ESRRB: variants seen among roughly 807,000 people sequenced by gnomAD.
The protein encoded by ESRRB is estrogen related receptor beta, also known as steroid hormone receptor ERR2.
In ESRRB, 16 loss-of-function variants were observed where a neutral mutation model predicts 46.0. That is an observed-to-expected ratio of 0.35 (90% CI 0.24 to 0.53). The LOEUF is 0.53. Among genes scored for constraint, ESRRB ranks in the 20% least tolerant of loss-of-function variants. ESRRB has a pLI of 0.93. For synonymous variants in ESRRB, 246 were observed against 259.6 expected (o/e 0.95, Z 0.50); for missense variants, 488 against 607.4 (o/e 0.80, Z 2.07).
Position 76,333,449 on chromosome 14 carries a change from G to GATATATTTA in ESRRB, c.2+22533_2+22534insATATATTTA, listed in dbSNP as rs1566854142. On this transcript the variant is annotated intron_variant, in intron 1 of 6. Transcript: ENST00000512784. Reference sequence around the variant, plus strand: ...ATATATATTTATATATGATATATAAGTATATCATATATAAATATATCATAT... The same window carrying GATATATTTA: ...ATATATATTTATATATGATATATAAGATATATTTATATATCATATATAAATATATCATAT... 2.9e-3 allele frequency among the ~76,000 whole-genome samples: 136 copies of GATATATTTA among 46,180 alleles called. 18 individuals are homozygous for GATATATTTA. Among genetic ancestry groups the GATATATTTA allele is most frequent in the Non-Finnish European group, 3.8e-3 (103 of 27,040 alleles). The allele number at this position is 46,180 out of a possible 152,430, so 30.3% of individuals were successfully genotyped here.
At chr14:76,486,469 C>T (rs995028997) in intron 5 of ESRRB, among the ~76,000 whole-genome samples, 2 of 152,180 alleles carry the variant, frequency 1.3e-5, no homozygotes, top group Non-Finnish European at 2.9e-5. Flanking sequence ...ATTACATCTC[C>T]CTTTATTACC....
intron 1 of ESRRB, among the ~76,000 whole-genome samples, chr14:76,318,303 C>A (rs918592331): frequency 2.0e-5 from 3 of 152,198 alleles, no homozygotes; most frequent in Non-Finnish European, 4.4e-5. Context: ...AACGGGGTGA[C>A]CTCTGCAAGT....
In ESRRB at chr14:76,376,200, G is replaced by T. The variant is rs1356172831; in HGVS notation, c.-202G>T. The T allele has an allele frequency of 2.5e-6, 1 of 395,614 alleles. No individual in the cohort carries two copies. Among genetic ancestry groups the T allele is most frequent in the Admixed American group, 4.4e-5 (1 of 22,564 alleles). The allele number at this position is 395,614 out of a possible 1,614,324, so 24.5% of individuals were successfully genotyped here. A position where few individuals can be genotyped will look rare whatever the true frequency, so the allele number is the denominator to read the frequency against. On this transcript the variant is annotated 5_prime_UTR_variant, in exon 1 of 7. Coordinates refer to ENST00000644823, the MANE Select transcript of ESRRB (RefSeq NM_001379180.1). This position sits in a 1 kb window ranked among gnomAD's most constrained non-coding sequence, Gnocchi z 4.1. ...CCCCTCTGCCCGCTCTCTCCGGAGC[G>T]TGCGGATGAGTGGAGAGCTGGGCTG...
intron 1 of ESRRB, among the ~76,000 whole-genome samples, chr14:76,327,474 T>C (rs1188258879): frequency 6.7e-6 from 1 of 150,158 alleles, no homozygotes; most frequent in Non-Finnish European, 1.5e-5. Flanking sequence ...GGTATTCAGC[T>C]TGTGATGATG....
intron 1 of ESRRB, among the ~76,000 whole-genome samples, chr14:76,438,927 G>A (rs1887787437): frequency 6.6e-6 from 1 of 151,894 alleles, no homozygotes; most frequent in African/African-American, 2.4e-5. Flanking sequence ...CAGCTCCTGA[G>A]TAGCTGGGAC....
Position 76,500,730 on chromosome 14 carries a change from T to C in ESRRB, c.*2272T>C. The stretch of plus-strand genomic sequence containing the variant: ...TCTGGCTCACCATGTAACATCTGGC[T>C]TGGAGCAAGTGGGTGTTCTGCACAC... On this transcript the variant is annotated 3_prime_UTR_variant, in exon 7 of 7. Coordinates refer to ENST00000644823, the MANE Select transcript of ESRRB (RefSeq NM_001379180.1). 1 of 1,613,902 alleles carries C rather than the reference T, an allele frequency of 6.2e-7. No individual in the cohort carries two copies. The highest frequency in any genetic ancestry group is 1.1e-5 in the South Asian group (1 of 91,074).
intron 1 of ESRRB, among the ~76,000 whole-genome samples, chr14:76,357,828 A>G (rs1884401538): frequency 6.6e-6 from 1 of 152,196 alleles, no homozygotes; most frequent in Admixed American, 6.5e-5. Flanking sequence ...ATCGTTTTAA[A>G]TAGTGTTTAT....
Position 76,330,007 on chromosome 14 carries a change from T to G in ESRRB, c.2+19091T>G, listed in dbSNP as rs1351059281. Among the ~76,000 whole-genome samples, 3 of 57,942 alleles carry G rather than the reference T, an allele frequency of 5.2e-5. No individual in the cohort carries two copies. The Admixed American group carries it at 6.8e-4, about 13-fold the overall frequency. 38.0% of individuals were successfully genotyped at this position (57,942 alleles called of 152,430 possible). Reference sequence around the variant, plus strand: ...GGAAGAGGGAAGGGATGAGTGTGGCTGAGGGTGGGGTGGGTGAGGGTCTGG... The same window carrying G: ...GGAAGAGGGAAGGGATGAGTGTGGCGGAGGGTGGGGTGGGTGAGGGTCTGG... On this transcript the variant is annotated intron_variant, in intron 1 of 6. Coordinates refer to the ESRRB transcript ENST00000512784.
Position 76,410,819 on chromosome 14 carries a change from T to C in ESRRB, c.51-28522T>C, listed in dbSNP as rs377545171. Reference sequence around the variant, plus strand: ...TATTTTTTGAGACAGAGTCTCTCTCTGTCACCCAGACTGGAGGGCAGTGGT... The same window carrying C: ...TATTTTTTGAGACAGAGTCTCTCTCCGTCACCCAGACTGGAGGGCAGTGGT... On this transcript the variant is annotated intron_variant, in intron 1 of 6. Transcript: ENST00000644823. Among the ~76,000 whole-genome samples, 20 of 152,248 alleles carry C rather than the reference T, an allele frequency of 1.3e-4. No individual in the cohort carries two copies. The East Asian group carries it at 1.9e-3, about 15-fold the overall frequency.
intron 1 of ESRRB, among the ~76,000 whole-genome samples, chr14:76,383,343 GTT>G (rs11363854): frequency 4.1e-5 from 6 of 147,684 alleles, no homozygotes; most frequent in South Asian, 2.1e-4. Context: ...ATTTTTATTG[GTT>G]TTTTTTTTGG....
At chr14:76,372,000 T>C (rs773104100), upstream of ESRRB, among the ~76,000 whole-genome samples, 14 of 152,170 alleles carry the variant, frequency 9.2e-5, 1 homozygote, top group Admixed American at 6.5e-5. Flanking sequence ...AGAGGGAAGA[T>C]ACTACCAAGA....
At chr14:76,419,221 G>A (rs1886837864) in intron 1 of ESRRB, among the ~76,000 whole-genome samples, 1 of 152,042 alleles carries the variant, frequency 6.6e-6, no homozygotes, top group Non-Finnish European at 1.5e-5. Flanking sequence ...CGCCATGTTG[G>A]CCAGGCTGAT....
At chr14:76,472,185 G>A (rs1381470236) in intron 3 of ESRRB, among the ~76,000 whole-genome samples, 1 of 152,156 alleles carries the variant, frequency 6.6e-6, no homozygotes, top group African/African-American at 2.4e-5. Flanking sequence ...AGAAAGGAAC[G>A]GAAAGGGAAG....
chr14:76,349,245 C>T (rs1043394170), intron 1 of ESRRB, among the ~76,000 whole-genome samples: 2 of 152,138 alleles, frequency 1.3e-5, no homozygotes, highest in Non-Finnish European at 2.9e-5. Context: ...GGAATGGGGC[C>T]CAGTGCATGC....
At chr14:76,478,729 G>T (rs1401820699) in intron 3 of ESRRB, among the ~76,000 whole-genome samples, 2 of 152,064 alleles carry the variant, frequency 1.3e-5, no homozygotes, top group African/African-American at 4.8e-5. Flanking sequence ...GTTTGGTTTG[G>T]CCTGGGTATA....
At chr14:76,388,506 C>A (rs1196064923) in intron 1 of ESRRB, among the ~76,000 whole-genome samples, 27 of 152,022 alleles carry the variant, frequency 1.8e-4, no homozygotes, top group Admixed American at 1.8e-3. Flanking sequence ...CTTTCTAACT[C>A]CTGCCTTCAG....
chr14:76,341,169 T>C (rs1201499709), intron 1 of ESRRB, among the ~76,000 whole-genome samples: 4 of 152,146 alleles, frequency 2.6e-5, no homozygotes, highest in Admixed American at 6.6e-5. Context: ...CCCTCTGGGC[T>C]CCCTTCTCCC....
At chr14:76,394,619 G>C (rs939584811) in intron 1 of ESRRB, among the ~76,000 whole-genome samples, 33 of 152,238 alleles carry the variant, frequency 2.2e-4, no homozygotes, top group African/African-American at 7.5e-4. Context: ...CAGTTCTGCA[G>C]CTTGGGTGCA....
At chr14:76,372,883 A>G (rs1164662196), upstream of ESRRB, among the ~76,000 whole-genome samples, 1 of 152,214 alleles carries the variant, frequency 6.6e-6, no homozygotes, top group African/African-American at 2.4e-5. Context: ...TAGGAATTGA[A>G]TAAGTAGAAA....
Sources: allele counts gnomAD v4.1 joint callset (sites outside exome capture counted in the v4.1 genomes callset), GRCh38; gene constraint gnomAD v4.1.1; non-coding constraint Gnocchi (gnomAD v3.1); transcripts MANE v1.5; gene names NCBI Gene and HGNC (gene_info 2026-07-23, HGNC 2026-07-21).